RFX3: variants seen among roughly 807,000 people sequenced by gnomAD.
The protein encoded by RFX3 is regulatory factor X3.
In RFX3, 14 loss-of-function variants were observed where a neutral mutation model predicts 98.6. The ratio of observed to expected loss-of-function variants is 0.14; its 90% CI spans 0.09 to 0.22. The LOEUF (loss-of-function observed/expected upper bound fraction) is 0.22, where lower values mean the gene tolerates loss of function less well. RFX3 is among the 10% of genes least tolerant of loss of function. The pLI is 1.00. For missense variants in RFX3, 639 were observed against 926.9 expected (o/e 0.69, Z 4.03); for synonymous variants, 383 against 328.4 (o/e 1.17, Z -1.80).
chr9:3,364,232 C>T (rs1836792073), intron 2 of RFX3: 1 of 156,804 alleles, frequency 6.4e-6, no homozygotes, highest in Admixed American at 6.5e-5. Flanking sequence ...TCAGCATTTA[C>T]CATCTATAAC....
intron 1 of RFX3, among the ~76,000 whole-genome samples, chr9:3,419,257 T>C (rs1036099150): frequency 6.6e-6 from 1 of 152,208 alleles, no homozygotes; most frequent in Non-Finnish European, 1.5e-5. Context: ...TGCTGTACTA[T>C]CAAATTGTAA....
intron 11 of RFX3, among the ~76,000 whole-genome samples, chr9:3,266,659 G>C (rs990419726): frequency 3.9e-5 from 6 of 151,938 alleles, no homozygotes; most frequent in Non-Finnish European, 8.8e-5. Context: ...TTGTGCTAAA[G>C]GCTATGTATT....
Position 3,281,971 on chromosome 9 carries a change from T to G in RFX3, c.852-4510A>C, listed in dbSNP as rs910516053. 2.0e-5 allele frequency among the ~76,000 whole-genome samples: 3 copies of G among 151,702 alleles called. No individual in the cohort carries two copies. In the East Asian group the frequency reaches 5.8e-4, roughly 29 times the overall value. On this transcript the variant is annotated intron_variant, in intron 7 of 16. Transcript: ENST00000617270. Reference sequence around the variant, plus strand: ...AAATCCTTTCAAAGTGGCTGAAAAATGCACATGCAAACACAAAATATAAAC... The same window carrying G: ...AAATCCTTTCAAAGTGGCTGAAAAAGGCACATGCAAACACAAAATATAAAC...
At chr9:3,521,259 T>C (rs1818682107) in intron 1 of RFX3, among the ~76,000 whole-genome samples, 1 of 152,154 alleles carries the variant, frequency 6.6e-6, no homozygotes, top group Non-Finnish European at 1.5e-5. Context: ...CATATATGCC[T>C]ATAGGACTAA....
At chr9:3,349,950 G>C (rs907537446) in intron 2 of RFX3, among the ~76,000 whole-genome samples, 3 of 151,854 alleles carry the variant, frequency 2.0e-5, no homozygotes. Context: ...CTGTTTGCAA[G>C]GATAAAAATA....
chr9:3,484,717 G>T (rs571870475), intron 1 of RFX3, among the ~76,000 whole-genome samples: 1 of 152,110 alleles, frequency 6.6e-6, no homozygotes. Context: ...ACCAAAACTG[G>T]TTTCTCCCTA....
In RFX3 at chr9:3,333,170, T is replaced by G. The variant is rs377762196; in HGVS notation, c.216-2653A>C. 1.3e-4 allele frequency among the ~76,000 whole-genome samples: 20 copies of G among 152,352 alleles called. No individual in the cohort carries two copies. The East Asian group carries it at 3.1e-3, about 23-fold the overall frequency. On this transcript the variant is annotated intron_variant, in intron 3 of 16. Coordinates refer to ENST00000617270, the MANE Select transcript of RFX3 (RefSeq NM_001282116.2). ...ATGGTAGACGTAATAGCCAGTTTCA[T>G]AAATTTCTGTATCACAAATCTTTTA...
intron 1 of RFX3, among the ~76,000 whole-genome samples, chr9:3,514,140 A>T (rs1817910399): frequency 2.0e-5 from 3 of 152,218 alleles, no homozygotes; most frequent in Admixed American, 1.3e-4. Flanking sequence ...ATTGCTCACA[A>T]AACTACACGA....
chr9:3,326,600 C>A (rs1371271968), intron 4 of RFX3, among the ~76,000 whole-genome samples: 1 of 152,130 alleles, frequency 6.6e-6, no homozygotes, highest in African/African-American at 2.4e-5. Context: ...GTTTTCTGTT[C>A]CTGCATTAGT....
chr9:3,251,851 CT>C (rs201172509), intron 14 of RFX3, among the ~76,000 whole-genome samples: 1 of 151,374 alleles, frequency 6.6e-6, no homozygotes, highest in Non-Finnish European at 1.5e-5. Context: ...TTCTCTTTCT[CT>C]TTTTTTTGTT....
At chr9:3,258,498 T>A (rs1822424980) in intron 13 of RFX3, among the ~76,000 whole-genome samples, 1 of 152,086 alleles carries the variant, frequency 6.6e-6, no homozygotes, top group South Asian at 2.1e-4. Flanking sequence ...AAACTCAACT[T>A]ATTTTATTTT....
intron 1 of RFX3, among the ~76,000 whole-genome samples, chr9:3,520,423 C>T (rs1466616890): frequency 1.3e-5 from 2 of 152,104 alleles, no homozygotes; most frequent in East Asian, 3.8e-4. Flanking sequence ...ATCACTGTTT[C>T]AGTATGTCTT....
chr9:3,422,348 T>A (rs1292024111), intron 1 of RFX3, among the ~76,000 whole-genome samples: 1 of 152,162 alleles, frequency 6.6e-6, no homozygotes, highest in Non-Finnish European at 1.5e-5. Context: ...GTAATGGTGG[T>A]GGTAATGGTG....
chr9:3,429,061 C>T (rs947544187), intron 1 of RFX3, among the ~76,000 whole-genome samples: 1 of 143,698 alleles, frequency 7.0e-6, no homozygotes, highest in Non-Finnish European at 1.5e-5. Flanking sequence ...CTCGCTGTGT[C>T]TCCCAGGCTG....
intron 1 of RFX3, among the ~76,000 whole-genome samples, chr9:3,451,196 T>C (rs1408799774): frequency 6.6e-6 from 1 of 152,136 alleles, no homozygotes; most frequent in Non-Finnish European, 1.5e-5. Context: ...GCAATAAAAC[T>C]GTAGTACTGG....
At chr9:3,381,558 G>A (rs919417946) in intron 2 of RFX3, among the ~76,000 whole-genome samples, 12 of 152,084 alleles carry the variant, frequency 7.9e-5, no homozygotes, top group Admixed American at 5.9e-4. Context: ...AAGTTAACTT[G>A]AGATTCACAA....
Position 3,312,846 on chromosome 9 carries a change from T to G in RFX3, c.475-11226A>C, listed in dbSNP as rs140373946. Among the ~76,000 whole-genome samples, 1,018 of 152,228 alleles carry G rather than the reference T, an allele frequency of 6.7e-3. 4 individuals carry two copies. Among genetic ancestry groups the G allele is most frequent in the Non-Finnish European group, 9.9e-3 (671 of 68,016 alleles). ...GCGTCCGCCATTGCTTAGGTTTGAG[T>G]AGGTAAACAAAGCGGCCTGGAAGCT... is the stretch of plus-strand genomic sequence containing the variant. On this transcript the variant is annotated intron_variant, in intron 4 of 16. Transcript: ENST00000617270.
chr9:3,237,132 G>A (rs555899651), intron 15 of RFX3, among the ~76,000 whole-genome samples: 4 of 152,254 alleles, frequency 2.6e-5, no homozygotes, highest in African/African-American at 7.2e-5. Context: ...TTTAATTCAA[G>A]TCTAGCTATG....
rs181816813 is a variant in RFX3 at position 3,519,392 on chromosome 9, G to C, written c.-9+6355C>G. On this transcript the variant is annotated intron_variant, in intron 1 of 16. Coordinates refer to ENST00000617270, the MANE Select transcript of RFX3 (RefSeq NM_001282116.2). The stretch of plus-strand genomic sequence containing the variant: ...TAATGAGTATAAATTGGTAAGCAAA[G>C]TCTTTCAAAACTTTTTGGGCTCATT... Among the ~76,000 whole-genome samples the C allele has an allele frequency of 5.3e-5, 8 of 152,198 alleles. No individual in the cohort carries two copies. In the South Asian group the frequency reaches 6.2e-4, roughly 12 times the overall value.
Sources: gnomAD v4.1 joint callset for allele counts (sites outside exome capture counted in the v4.1 genomes callset) on GRCh38, gnomAD v4.1.1 for gene constraint, MANE v1.5 for transcripts, NCBI Gene and HGNC (gene_info 2026-07-23, HGNC 2026-07-21) for gene names.